The following ASCC3 variants were observed in gnomAD, a reference collection of about 807,000 sequenced individuals.
ASCC3 encodes the protein ASC-1 complex subunit P200.
A neutral mutation model predicts 256.3 loss-of-function variants in ASCC3; 158 were observed. The ratio of observed to expected loss-of-function variants is 0.62; its 90% confidence interval spans 0.54 to 0.70. The LOEUF is 0.70. Among genes scored for constraint, ASCC3 ranks in the 30% least tolerant of loss-of-function variants. The probability of loss-of-function intolerance (pLI) is 0.00; values close to 1 mark genes in which losing one functional copy is unlikely to be tolerated. For missense variants in ASCC3, 2,259 were observed against 2,626.0 expected (o/e 0.86, Z 3.05); for synonymous variants, 948 against 883.4 (o/e 1.07, Z -1.30).
At chr6:100,558,990 T>A (rs1324128576) in intron 36 of ASCC3, among the ~76,000 whole-genome samples, 1 of 152,148 alleles carries the variant, frequency 6.6e-6, no homozygotes, top group African/African-American at 2.4e-5. Flanking sequence ...GAGCATACTC[T>A]TGGTAAAACA....
chr6:100,611,910 T>C (rs1203926722), intron 30 of ASCC3, among the ~76,000 whole-genome samples: 1 of 151,942 alleles, frequency 6.6e-6, no homozygotes, highest in East Asian at 1.9e-4. Flanking sequence ...AGAAGAAGTT[T>C]TACTTCCATA....
chr6:100,664,693 G>A (rs1187724421), intron 14 of ASCC3, among the ~76,000 whole-genome samples: 3 of 151,974 alleles, frequency 2.0e-5, no homozygotes, highest in Non-Finnish European at 4.4e-5. Flanking sequence ...TTTCAGACAA[G>A]CAATATTGTT....
At chr6:100,640,967 T>G (rs1379693069) in intron 24 of ASCC3, among the ~76,000 whole-genome samples, 1 of 152,170 alleles carries the variant, frequency 6.6e-6, no homozygotes, top group East Asian at 1.9e-4. Context: ...AAAGGGTTTC[T>G]CTTTGGAAGA....
At chr6:100,780,393 A>G (rs1228703293) in intron 8 of ASCC3, among the ~76,000 whole-genome samples, 2 of 152,150 alleles carry the variant, frequency 1.3e-5, no homozygotes, top group African/African-American at 4.8e-5. Flanking sequence ...ACATTCAAAA[A>G]TCCTTAATGT....
At chr6:100,663,498 T>C (rs1283045874) in intron 14 of ASCC3, among the ~76,000 whole-genome samples, 1 of 152,040 alleles carries the variant, frequency 6.6e-6, no homozygotes, top group Non-Finnish European at 1.5e-5. Flanking sequence ...AGATTGACTG[T>C]TTAAGTATCA....
At chr6:100,830,835 A>G (rs946829893) in intron 4 of ASCC3, among the ~76,000 whole-genome samples, 23 of 152,212 alleles carry the variant, frequency 1.5e-4, no homozygotes, top group African/African-American at 5.5e-4. Flanking sequence ...CTCATATAAA[A>G]CTAAAAACGG....
intron 8 of ASCC3, among the ~76,000 whole-genome samples, chr6:100,789,007 G>A (rs1013703801): frequency 4.7e-4 from 71 of 151,558 alleles, no homozygotes; most frequent in African/African-American, 1.6e-3. Flanking sequence ...TTTTATAGTA[G>A]TCAAATGATA....
At chr6:100,541,011 T>C (rs1258195932) in intron 36 of ASCC3, among the ~76,000 whole-genome samples, 1 of 152,180 alleles carries the variant, frequency 6.6e-6, no homozygotes, top group African/African-American at 2.4e-5. Flanking sequence ...TTAGATTTTT[T>C]AGGGTACAGT....
intron 36 of ASCC3, among the ~76,000 whole-genome samples, chr6:100,578,430 T>A (rs1770997028): frequency 6.6e-6 from 1 of 151,994 alleles, no homozygotes; most frequent in South Asian, 2.1e-4. Flanking sequence ...GCCTACACAT[T>A]CAAGTAGGCC....
At chr6:100,567,434 T>G (rs1770325683) in intron 36 of ASCC3, among the ~76,000 whole-genome samples, 2 of 152,206 alleles carry the variant, frequency 1.3e-5, no homozygotes, top group African/African-American at 4.8e-5. Context: ...TTTCAACTTT[T>G]AGATTCAGTG....
intron 17 of ASCC3, among the ~76,000 whole-genome samples, chr6:100,653,363 G>A (rs1000135863): frequency 1.3e-5 from 2 of 152,004 alleles, no homozygotes; most frequent in Non-Finnish European, 1.5e-5. Context: ...TATCCGGCCG[G>A]GCACAGTGGC....
chr6:100,634,284 C>T (rs1357325394), intron 25 of ASCC3, among the ~76,000 whole-genome samples: 1 of 152,114 alleles, frequency 6.6e-6, no homozygotes, highest in Non-Finnish European at 1.5e-5. Context: ...CTATGTGAAA[C>T]CACATTATAT....
chr6:100,520,939 C>T (rs1333502285), intron 37 of ASCC3, among the ~76,000 whole-genome samples: 1 of 152,114 alleles, frequency 6.6e-6, no homozygotes, highest in East Asian at 1.9e-4. Flanking sequence ...CTTTTGTAAT[C>T]CTCTGTTTAC....
At chr6:100,810,963 C>T (rs1402068591) in intron 4 of ASCC3, among the ~76,000 whole-genome samples, 5 of 152,156 alleles carry the variant, frequency 3.3e-5, no homozygotes, top group Non-Finnish European at 5.9e-5. Context: ...GTTTAATCCT[C>T]CTTTCTTATA....
At chr6:100,582,825 C>T (rs972290808) in intron 36 of ASCC3, among the ~76,000 whole-genome samples, 3 of 152,160 alleles carry the variant, frequency 2.0e-5, no homozygotes, top group Non-Finnish European at 2.9e-5. Flanking sequence ...AAAGGCCTTT[C>T]CTCCATCTAT....
chr6:100,776,489 A>G (rs890982571), intron 8 of ASCC3, among the ~76,000 whole-genome samples: 2 of 152,070 alleles, frequency 1.3e-5, no homozygotes, highest in African/African-American at 2.4e-5. Context: ...TTACATACAT[A>G]CGCCAGACTA....
chr6:100,610,719 A>G (rs1412357288), intron 30 of ASCC3, among the ~76,000 whole-genome samples: 1 of 152,150 alleles, frequency 6.6e-6, no homozygotes, highest in Non-Finnish European at 1.5e-5. Flanking sequence ...ATGGAAATAT[A>G]TTAGTATGAA....
At chr6:100,635,518 AGC>A (rs1774799769) in intron 25 of ASCC3, among the ~76,000 whole-genome samples, 1 of 152,138 alleles carries the variant, frequency 6.6e-6, no homozygotes, top group Non-Finnish European at 1.5e-5. Context: ...CCTAATATAC[AGC>A]ATGGTGATTA....
Position 100,718,188 on chromosome 6 carries a change from C to G in ASCC3, c.1966G>C (p.Asp656His). Residue 656 changes from aspartate (D) to histidine (H), a missense_variant, in exon 12 of 42, where the codon GAT becomes CAT. Physicochemically the swap from Asp to His is moderately conservative, Grantham distance 81. Coordinates refer to ENST00000369162, the MANE Select transcript of ASCC3 (RefSeq NM_006828.4). ...GLSATLPNYL[D>H]VATFLHVNPY... is the part of the protein sequence containing the mutation. ...TTAACATGTAAAAATGTGGCAACAT[C>G]GAGGTAGTTAGGTAAAGTTGCAGAC... is the stretch of plus-strand genomic sequence containing the variant. The G allele has an allele frequency of 6.2e-7, 1 of 1,613,440 alleles. No homozygotes were observed. The highest frequency in any genetic ancestry group is 8.5e-7 in the Non-Finnish European group (1 of 1,179,602).
Sources: gnomAD v4.1 joint callset for allele counts (sites outside exome capture counted in the v4.1 genomes callset) on GRCh38, gnomAD v4.1.1 for gene constraint, MANE v1.5 for transcripts, NCBI Gene and HGNC (gene_info 2026-07-23, HGNC 2026-07-21) for gene names.